EFCAB6: variants seen among roughly 807,000 people sequenced by gnomAD.
The protein encoded by EFCAB6 is EF-hand calcium-binding domain-containing protein 6.
A neutral mutation model predicts 169.8 loss-of-function variants in EFCAB6; 156 were observed. That is an observed-to-expected ratio of 0.92 (90% confidence interval 0.81 to 1.05). The LOEUF (loss-of-function observed/expected upper bound fraction) is 1.05, where lower values mean the gene tolerates loss of function less well. Among genes scored for constraint, EFCAB6 ranks in the 50% least tolerant of loss-of-function variants. EFCAB6 has a pLI of 0.00. For missense variants in EFCAB6, 1,800 were observed against 1,829.1 expected (o/e 0.98, Z 0.29); for synonymous variants, 698 against 676.4 (o/e 1.03, Z -0.50).
At chr22:43,576,827 G>A (rs1198240185) in intron 25 of EFCAB6, among the ~76,000 whole-genome samples, 1 of 152,212 alleles carries the variant, frequency 6.6e-6, no homozygotes, top group East Asian at 1.9e-4. Flanking sequence ...CTGTTTTACA[G>A]AGCAGAGCAG....
At chr22:43,535,052 G>A in intron 29 of EFCAB6, 180 bp from the exon 30 acceptor site, 1 of 630,842 alleles carries the variant, frequency 1.6e-6, no homozygotes, top group Non-Finnish European at 2.7e-6. Flanking sequence ...CAAACTAAGT[G>A]CCGCAGGGAG....
Position 43,765,354 on chromosome 22 carries a change from A to G in EFCAB6, c.391T>C (p.Phe131Leu). 1 of 1,612,720 alleles carries G rather than the reference A, an allele frequency of 6.2e-7. No homozygotes were observed. The highest frequency in any genetic ancestry group is 8.5e-7 in the Non-Finnish European group (1 of 1,179,060). ...STSGTVPYLA[F>L]LSRFGGIDLY... ...TCAATTCCACCAAACCTGGACAGAA[A>G]GGCAAGGTACGGTACAGTACCAGAG... is the stretch of plus-strand genomic sequence containing the variant. The change falls in exon 5 of 32, where the codon TTT (phenylalanine) becomes CTT (leucine). Residue 131 changes from phenylalanine to leucine, a missense_variant. By Grantham distance (22) the Phe-to-Leu change is conservative (BLOSUM62 0). Transcript: ENST00000262726.
chr22:43,729,172 G>C (rs114892263), intron 8 of EFCAB6, among the ~76,000 whole-genome samples: 3,033 of 152,258 alleles, frequency 0.02, 103 homozygotes, highest in African/African-American at 0.07. Context: ...CATTACCATG[G>C]GGAGGGCACC....
At chr22:43,695,060 T>C (rs1569403657) in intron 10 of EFCAB6, among the ~76,000 whole-genome samples, 1 of 152,020 alleles carries the variant, frequency 6.6e-6, no homozygotes, top group Non-Finnish European at 1.5e-5. Flanking sequence ...GGAAGAAAGA[T>C]GCAAGCTTGC....
chr22:43,563,722 G>A (rs1033380709), intron 26 of EFCAB6, among the ~76,000 whole-genome samples: 2 of 152,216 alleles, frequency 1.3e-5, no homozygotes, highest in Non-Finnish European at 1.5e-5. Context: ...TCAGACAGAC[G>A]TGGGTTGAGT....
rs772686467 is a variant in EFCAB6, at chr22:43,687,519, G to A, written c.1094C>T (p.Pro365Leu). The A allele has an allele frequency of 1.2e-6, 2 of 1,602,450 alleles. No homozygotes were observed. Among genetic ancestry groups the A allele is most frequent in the East Asian group, 2.3e-5 (1 of 44,424 alleles). ...WKQFLTSFHE[P>L]QGLQVSSKGP... is the part of the protein sequence containing the mutation. ...TTTACTGCTAACTTGCAACCCCTGA[G>A]GCTCATGAAATGATGTTAGAAATTG... is the stretch of plus-strand genomic sequence containing the variant. Residue 365 changes from proline to leucine, a missense_variant, in exon 11 of 32, where the codon CCT becomes CTT. Transcript: ENST00000262726.
At chr22:43,553,664 C>T (rs1290956542) in intron 27 of EFCAB6, 2 of 152,300 alleles carry the variant, frequency 1.3e-5, no homozygotes, top group African/African-American at 4.8e-5. Flanking sequence ...GGGAGGCAGG[C>T]TGGGCAGGTG....
chr22:43,695,508 A>T (rs143264929), intron 10 of EFCAB6, among the ~76,000 whole-genome samples: 37 of 152,194 alleles, frequency 2.4e-4, no homozygotes, highest in African/African-American at 8.9e-4. Flanking sequence ...ATATAGAAAG[A>T]CAAAGAACCT....
chr22:43,573,732 C>CAAAAAAA (rs748024357), intron 26 of EFCAB6, among the ~76,000 whole-genome samples: 3 of 85,338 alleles, frequency 3.5e-5, no homozygotes, highest in South Asian at 4.1e-4. Context: ...TCTGTCTCAA[C>CAAAAAAA]AAAAAAAAAA....
rs560715832 is a variant in EFCAB6, at chr22:43,731,797, T to C, written c.659A>G (p.Tyr220Cys). The C allele has an allele frequency of 8.3e-6, 13 of 1,574,886 alleles. No individual in the cohort carries two copies. In the East Asian group the frequency reaches 1.1e-4, roughly 14 times the overall value. The part of the protein sequence containing the change: ...DEEYEKFSKH[Y>C]NIHKDTAVDY... ...TACTGCAGTATCCTTGTGGATGTTG[T>C]AGTGTTTCGAAAACCTAAAATACAA... The change falls in exon 8 of 32, where the codon TAC becomes TGC. Residue 220 changes from tyrosine (Y) to cysteine (C), a missense_variant. Tyr to Cys is a radical substitution (Grantham distance 194, BLOSUM62 -2). Transcript: ENST00000262726.
chr22:43,560,552 G>C (rs1466052466), intron 26 of EFCAB6, among the ~76,000 whole-genome samples: 1 of 152,232 alleles, frequency 6.6e-6, no homozygotes, highest in African/African-American at 2.4e-5. Context: ...GCTCTCAGGA[G>C]GGAACACCAT....
chr22:43,626,981 GTACTTC>G (rs2054573363), intron 19 of EFCAB6, among the ~76,000 whole-genome samples: 1 of 152,158 alleles, frequency 6.6e-6, no homozygotes, highest in Non-Finnish European at 1.5e-5. Context: ...TGTGGAGCTT[GTACTTC>G]TAGTCCAGGA....
intron 12 of EFCAB6, among the ~76,000 whole-genome samples, chr22:43,680,871 T>C (rs1182597548): frequency 1.3e-5 from 2 of 152,236 alleles, no homozygotes; most frequent in Non-Finnish European, 2.9e-5. Context: ...ACAAATTCCT[T>C]AGAATTTTCT....
chr22:43,788,292 A>T (rs1212976012), intron 2 of EFCAB6, among the ~76,000 whole-genome samples: 3 of 152,208 alleles, frequency 2.0e-5, no homozygotes, highest in African/African-American at 7.2e-5. Context: ...AAGCACTAAG[A>T]TACCCCACAG....
chr22:43,549,770 T>G (rs2048280768), intron 27 of EFCAB6, among the ~76,000 whole-genome samples: 1 of 152,214 alleles, frequency 6.6e-6, no homozygotes, highest in African/African-American at 2.4e-5. Context: ...AATAAAAACT[T>G]GCTAACTGAA....
intron 6 of EFCAB6, among the ~76,000 whole-genome samples, chr22:43,745,598 C>T (rs1055340332): frequency 6.6e-6 from 1 of 152,170 alleles, no homozygotes; most frequent in African/African-American, 2.4e-5. Context: ...CAGCAGCAAG[C>T]GGAAGAGTTC....
chr22:43,718,672 T>C (rs1029185286), intron 8 of EFCAB6, among the ~76,000 whole-genome samples: 21 of 152,102 alleles, frequency 1.4e-4, no homozygotes, highest in African/African-American at 4.8e-4. Flanking sequence ...TCCCAGCTCC[T>C]CGGGAGGCTG....
intron 2 of EFCAB6, among the ~76,000 whole-genome samples, chr22:43,794,317 T>C (rs576581838): frequency 1.3e-5 from 2 of 152,218 alleles, no homozygotes; most frequent in Non-Finnish European, 2.9e-5. Context: ...TCATCAACCA[T>C]GTGACAACCT....
intron 20 of EFCAB6, among the ~76,000 whole-genome samples, chr22:43,623,731 TAAAAATACAAAAAA>T (rs1414106520): frequency 1.6e-5 from 1 of 64,354 alleles, no homozygotes; most frequent in African/African-American, 6.6e-5. Context: ...CCGTCTCTAC[TAAAAATACAAAAAA>T]AAAAAAAAAA....
Sources: gnomAD v4.1 joint callset for allele counts (sites outside exome capture counted in the v4.1 genomes callset) on GRCh38, gnomAD v4.1.1 for gene constraint, MANE v1.5 for transcripts, NCBI Gene and HGNC (gene_info 2026-07-23, HGNC 2026-07-21) for gene names.